Variants in CREBBP observed in about 807,000 individuals in gnomAD.
The protein encoded by CREBBP is CREB binding lysine acetyltransferase.
CREBBP carries 19 observed loss-of-function variants against 265.0 expected under a neutral mutation model. The observed-to-expected ratio is 0.07, with a 90% confidence interval of 0.05 to 0.11. CREBBP has a LOEUF of 0.11. CREBBP is among the 10% of genes least tolerant of loss of function. The pLI is 1.00. For synonymous variants in CREBBP, 1,457 were observed against 1,223.7 expected (o/e 1.19, Z -3.98); for missense variants, 2,525 against 3,219.0 (o/e 0.78, Z 5.22).
chr16:3,773,855 C>T lies in CREBBP; in HGVS notation c.2359G>A (p.Ala787Thr), dbSNP rs1369853866. The change falls in exon 13 of 31, where the codon GCG (alanine) becomes ACG (threonine). Residue 787 changes from alanine to threonine, a missense_variant. Physicochemically the swap from Ala to Thr is moderately conservative, Grantham distance 58. Coordinates refer to ENST00000262367, the MANE Select transcript of CREBBP (RefSeq NM_004380.3). ...GGCAGAAACTGGCTCTGAGCGGGCGCCTGGGCCATCATGTTGTTGGTGTGT... is the reference window on the plus strand; with the variant it reads ...GGCAGAAACTGGCTCTGAGCGGGCGTCTGGGCCATCATGTTGTTGGTGTGT... ...GAHTNNMMAQ[A>T]PAQSQFLPQN... 3 of 1,612,244 alleles carry T rather than the reference C, an allele frequency of 1.9e-6. No individual in the cohort carries two copies. The highest frequency in any genetic ancestry group is 4.5e-5 in the East Asian group (2 of 44,904).
chr16:3,784,248 TA>T (rs913516550), intron 5 of CREBBP, among the ~76,000 whole-genome samples: 2 of 152,154 alleles, frequency 1.3e-5, no homozygotes, highest in African/African-American at 4.8e-5. Flanking sequence ...GCAACTTAAT[TA>T]AACTAAAATG....
intron 2 of CREBBP, among the ~76,000 whole-genome samples, chr16:3,838,380 A>C (rs2054499353): frequency 6.6e-6 from 1 of 152,164 alleles, no homozygotes; most frequent in African/African-American, 2.4e-5. Flanking sequence ...AGCATAACAT[A>C]ATCACTTAAT....
rs2051782546 is a variant in CREBBP at position 3,727,704 on chromosome 16, A to G, written c.*14T>C. The G allele has an allele frequency of 6.2e-7, 1 of 1,613,936 alleles. No homozygotes were observed. Among genetic ancestry groups the G allele is most frequent in the Non-Finnish European group, 8.5e-7 (1 of 1,180,032 alleles). ...CCAAGAACATGAAAGGGAAAAGGTG[A>G]TGCTCTCACAATGCTACAAGCCCTC... On this transcript the variant is annotated 3_prime_UTR_variant, in exon 31 of 31. Transcript: ENST00000262367.
intron 3 of CREBBP, among the ~76,000 whole-genome samples, chr16:3,803,810 G>A (rs1300942740): frequency 6.6e-6 from 1 of 152,056 alleles, no homozygotes; most frequent in East Asian, 1.9e-4. Flanking sequence ...GCCGGGAGAG[G>A]TGGCTCACAC....
chr16:3,758,726 AG>A, intron 17 of CREBBP, 127 bp downstream of exon 17: 1 of 793,202 alleles, frequency 1.3e-6, no homozygotes, highest in Non-Finnish European at 2.2e-6. Flanking sequence ...AACAGACAAC[AG>A]TTTTTTATAT....
At chr16:3,825,551 T>C (rs2054220884) in intron 2 of CREBBP, among the ~76,000 whole-genome samples, 1 of 151,852 alleles carries the variant, frequency 6.6e-6, no homozygotes, top group Non-Finnish European at 1.5e-5. Context: ...ACACTTTGCC[T>C]CAGTAGAGCA....
At chr16:3,762,956 A>G (rs894771814) in intron 16 of CREBBP, among the ~76,000 whole-genome samples, 3 of 151,666 alleles carry the variant, frequency 2.0e-5, no homozygotes, top group Non-Finnish European at 4.4e-5. Context: ...TTGTACTTTT[A>G]GTAGAGACAG....
intron 2 of CREBBP, among the ~76,000 whole-genome samples, chr16:3,829,301 A>G (rs2054297016): frequency 1.3e-5 from 2 of 152,228 alleles, no homozygotes; most frequent in African/African-American, 4.8e-5. Context: ...GATTCAGAAG[A>G]TGAGAGATAA....
intron 2 of CREBBP, among the ~76,000 whole-genome samples, chr16:3,846,259 A>ACAAAGAAG (rs2141468786): frequency 6.6e-6 from 1 of 152,384 alleles, no homozygotes; most frequent in African/African-American, 2.4e-5. Context: ...GACACACTTA[A>ACAAAGAAG]CAAAGAAGAC....
chr16:3,846,714 C>A (rs1382858944), intron 2 of CREBBP, among the ~76,000 whole-genome samples: 1 of 152,150 alleles, frequency 6.6e-6, no homozygotes, highest in Non-Finnish European at 1.5e-5. Context: ...TCTACACTCA[C>A]AAGAAAACGC....
rs1298330762 is a variant in CREBBP, at chr16:3,845,098, A to C, written c.798+5199T>G. ...TTTTAAAATTTGAAAAAAAGTCCTA[A>C]ATTTATCTAACACAGTGGGGTTCTC... is the stretch of plus-strand genomic sequence containing the variant. On this transcript the variant is annotated intron_variant, in intron 2 of 30. Coordinates refer to ENST00000262367, the MANE Select transcript of CREBBP (RefSeq NM_004380.3). Among the ~76,000 whole-genome samples the C allele has an allele frequency of 4.6e-5, 7 of 152,194 alleles. 1 individual carries two copies. The East Asian group carries it at 7.7e-4, about 17-fold the overall frequency.
rs555403633 is a variant in CREBBP, at chr16:3,740,188, T to C, written c.4133+211A>G. Among the ~76,000 whole-genome samples, 6 of 152,374 alleles carry C rather than the reference T, an allele frequency of 3.9e-5. No individual in the cohort carries two copies. The South Asian group carries it at 1.2e-3, about 32-fold the overall frequency. On this transcript the variant is annotated intron_variant, in intron 24 of 30. Transcript: ENST00000262367. ...ATAAACAGTATACTATAATATGGTATGTGGTCTCTCTCTCAAAATAGCTTA... is the reference window on the plus strand; with the variant it reads ...ATAAACAGTATACTATAATATGGTACGTGGTCTCTCTCTCAAAATAGCTTA...
chr16:3,769,091 A>G, intron 15 of CREBBP, 83 bp downstream of exon 15: 1 of 1,495,762 alleles, frequency 6.7e-7, no homozygotes, highest in Non-Finnish European at 9.3e-7. Context: ...AGGGATACCC[A>G]TGGCAGGCTC....
intron 3 of CREBBP, among the ~76,000 whole-genome samples, chr16:3,800,364 T>C (rs2053688093): frequency 6.6e-6 from 1 of 152,150 alleles, no homozygotes; most frequent in Non-Finnish European, 1.5e-5. Context: ...AGCAATTATC[T>C]CGCCTTGGCC....
chr16:3,736,581 G>A (rs2052067170), intron 27 of CREBBP, 69 bp downstream of exon 27: 1 of 1,603,654 alleles, frequency 6.2e-7, no homozygotes, highest in Non-Finnish European at 8.5e-7. Flanking sequence ...GCGAATGCAA[G>A]AAAAAGGCAC....
Position 3,729,060 on chromosome 16 carries a change from G to A in CREBBP, c.5987C>T (p.Ala1996Val). ...TGMGTPGSQMAPVSLNVPRPN... is the reference protein window; with the variant it reads ...TGMGTPGSQMVPVSLNVPRPN... ...TCGGGGCACATTCAGGCTCACGGGG[G>A]CCATCTGGCTCCCCGGGGTCCCCAT... The change falls in exon 31 of 31, where the codon GCC becomes GTC. Residue 1996 changes from alanine (A) to valine (V), a missense_variant. Coordinates refer to ENST00000262367, the MANE Select transcript of CREBBP (RefSeq NM_004380.3). 1 of 1,584,674 alleles carries A rather than the reference G, an allele frequency of 6.3e-7. No individual in the cohort carries two copies.
At chr16:3,868,033 G>A (rs1247315073) in intron 1 of CREBBP, among the ~76,000 whole-genome samples, 1 of 152,142 alleles carries the variant, frequency 6.6e-6, no homozygotes, top group East Asian at 1.9e-4. Context: ...ACTGATAGTA[G>A]AGTTACATAA....
At chr16:3,735,099 C>A (rs1010555640) in intron 28 of CREBBP, among the ~76,000 whole-genome samples, 5 of 152,188 alleles carry the variant, frequency 3.3e-5, no homozygotes, top group Non-Finnish European at 7.3e-5. Context: ...CAAACCCGCA[C>A]ACAGCGCGCC....
chr16:3,875,810 A>G (rs1284560182), intron 1 of CREBBP, among the ~76,000 whole-genome samples: 1 of 152,218 alleles, frequency 6.6e-6, no homozygotes, highest in African/African-American at 2.4e-5. Context: ...GGACGCTGTA[A>G]GGATCAAACT....
Sources: allele counts gnomAD v4.1 joint callset (sites outside exome capture counted in the v4.1 genomes callset), GRCh38; gene constraint gnomAD v4.1.1; transcripts MANE v1.5; gene names NCBI Gene and HGNC (gene_info 2026-07-23, HGNC 2026-07-21).